RARB: variants seen among roughly 807,000 people sequenced by gnomAD.
RARB encodes retinoic acid receptor beta, also known as HBV-activated protein.
In RARB, 17 loss-of-function variants were observed where a neutral mutation model predicts 51.9. That is an observed-to-expected ratio of 0.33 (90% CI 0.22 to 0.49). The LOEUF is 0.49. Ranked by LOEUF, RARB falls within the 20% of genes least tolerant of loss-of-function variation. RARB has a pLI of 0.99. For missense variants in RARB, 369 were observed against 550.8 expected (o/e 0.67, Z 3.30); for synonymous variants, 215 against 195.4 (o/e 1.10, Z -0.84).
At chr3:25,075,202 T>A (rs1330804296) in intron 3 of RARB, among the ~76,000 whole-genome samples, 1 of 152,138 alleles carries the variant, frequency 6.6e-6, no homozygotes, top group Admixed American at 6.5e-5. Flanking sequence ...TGCAATACAA[T>A]TAGAGTGTGT....
intron 5 of RARB, among the ~76,000 whole-genome samples, chr3:25,269,457 C>T (rs1703202130): frequency 6.6e-6 from 1 of 152,162 alleles, no homozygotes; most frequent in South Asian, 2.1e-4. Flanking sequence ...TTACTAGCTG[C>T]ATGACCTTGG....
At chr3:25,315,898 C>G (rs553963055) in intron 5 of RARB, among the ~76,000 whole-genome samples, 1 of 152,044 alleles carries the variant, frequency 6.6e-6, no homozygotes, top group East Asian at 1.9e-4. Context: ...GGATTACAGG[C>G]ATGAACCACC....
chr3:25,507,271 T>A (rs757500175), intron 3 of RARB, among the ~76,000 whole-genome samples: 32 of 151,454 alleles, frequency 2.1e-4, no homozygotes, highest in African/African-American at 7.0e-4. Flanking sequence ...GGGTTAAATG[T>A]GACCAGTTTT....
intron 5 of RARB, among the ~76,000 whole-genome samples, chr3:25,355,282 G>A (rs1186580344): frequency 2.0e-5 from 3 of 152,034 alleles, no homozygotes; most frequent in Non-Finnish European, 4.4e-5. Flanking sequence ...GTTGTGGTTA[G>A]GTTTGGGCGT....
rs1386948051 is a variant in RARB, at chr3:25,461,239, C to A, written c.204C>A (p.Pro68=). The change falls in exon 2 of 8, where the codon CCC becomes CCA. Residue 68 remains proline (P), a synonymous_variant. Coordinates refer to ENST00000330688, the MANE Select transcript of RARB (RefSeq NM_000965.5). ...GCTCTGAGGAACTCGTCCCAAGCCC[C>A]CCATCTCCACTTCCTCCCCCTCGAG... The part of the protein sequence containing the change: ...STSSEELVPS[P]PSPLPPPRVY... 3 of 1,614,002 alleles carry A rather than the reference C, an allele frequency of 1.9e-6. No individual in the cohort carries two copies. The South Asian group carries it at 3.3e-5, about 18-fold the overall frequency.
chr3:25,563,806 C>A (rs147693297), intron 3 of RARB, among the ~76,000 whole-genome samples: 3 of 152,292 alleles, frequency 2.0e-5, no homozygotes, highest in Non-Finnish European at 2.9e-5. Context: ...ATTATTCTTG[C>A]AGTTAGCAAG....
At chr3:24,923,265 A>G (rs1306561381) in intron 2 of RARB, among the ~76,000 whole-genome samples, 2 of 151,662 alleles carry the variant, frequency 1.3e-5, no homozygotes, top group East Asian at 1.9e-4. Flanking sequence ...GTATTTCACT[A>G]TAATGGCCCA....
chr3:25,342,959 G>T (rs1002947504), intron 5 of RARB, among the ~76,000 whole-genome samples: 1 of 151,746 alleles, frequency 6.6e-6, no homozygotes, highest in African/African-American at 2.4e-5. Flanking sequence ...TGGTTTAAGA[G>T]GGGGGAGGGG....
intron 5 of RARB, among the ~76,000 whole-genome samples, chr3:25,233,766 G>GTTT (rs59013881): frequency 7.4e-6 from 1 of 135,662 alleles, no homozygotes; most frequent in African/African-American, 2.6e-5. Context: ...TTTGGTTGTT[G>GTTT]TTTTTTTTTT....
chr3:25,466,999 C>T (rs926646534), intron 2 of RARB, among the ~76,000 whole-genome samples: 2 of 152,220 alleles, frequency 1.3e-5, no homozygotes, highest in Non-Finnish European at 2.9e-5. Flanking sequence ...GGGCCTGGGT[C>T]TGCTGCTCCA....
chr3:25,075,895 T>G (rs1396115368), intron 3 of RARB, among the ~76,000 whole-genome samples: 1 of 152,184 alleles, frequency 6.6e-6, no homozygotes, highest in East Asian at 1.9e-4. Context: ...TCTTGACACT[T>G]CAGTTTGTAG....
At chr3:25,532,517 A>G (rs770372300) in intron 3 of RARB, among the ~76,000 whole-genome samples, 21 of 152,182 alleles carry the variant, frequency 1.4e-4, no homozygotes, top group East Asian at 1.2e-3. Flanking sequence ...ACGGAAGAGT[A>G]TTTTAGAGTG....
intron 3 of RARB, among the ~76,000 whole-genome samples, chr3:25,077,572 CTA>C (rs1466294192): frequency 6.6e-6 from 1 of 152,118 alleles, no homozygotes; most frequent in Non-Finnish European, 1.5e-5. Flanking sequence ...CTCTATTTAT[CTA>C]TTTTTCTTTG....
At chr3:25,308,850 G>C (rs1186708919) in intron 5 of RARB, among the ~76,000 whole-genome samples, 2 of 152,146 alleles carry the variant, frequency 1.3e-5, no homozygotes, top group African/African-American at 4.8e-5. Context: ...ATGTTCCTCT[G>C]TTTGCACTAA....
chr3:25,535,776 A>G (rs1241384988), intron 3 of RARB, among the ~76,000 whole-genome samples: 1 of 152,226 alleles, frequency 6.6e-6, no homozygotes, highest in Non-Finnish European at 1.5e-5. Flanking sequence ...GGGAAATAAT[A>G]TGAATCCCTG....
At chr3:24,970,296 G>T (rs1038145116) in intron 2 of RARB, among the ~76,000 whole-genome samples, 2 of 152,024 alleles carry the variant, frequency 1.3e-5, no homozygotes, top group African/African-American at 4.8e-5. Flanking sequence ...TGAGGTGTAG[G>T]TATAGCTGTT....
rs181243394 is a variant in RARB at position 25,430,446 on chromosome 3, A to G, written c.157+1558A>G. ...TTGTTAGAGAAAGTGGTAATGAAAC[A>G]TGTTTTTTAACAGAAGGAAAAAATA... On this transcript the variant is annotated intron_variant, in intron 1 of 7. Coordinates refer to ENST00000330688, the MANE Select transcript of RARB (RefSeq NM_000965.5). 9.8e-5 allele frequency among the ~76,000 whole-genome samples: 15 copies of G among 152,328 alleles called. 1 individual carries two copies. Among genetic ancestry groups the G allele is most frequent in the African/African-American group, 3.4e-4 (14 of 41,576 alleles).
At chr3:25,513,345 G>GAAGAAAAGA (rs1419735805) in intron 3 of RARB, among the ~76,000 whole-genome samples, 2 of 151,868 alleles carry the variant, frequency 1.3e-5, no homozygotes, top group African/African-American at 4.8e-5. Context: ...GGAAAGAAAT[G>GAAGAAAAGA]AAGAAAAGAA....
chr3:25,526,037 A>C (rs115608221), intron 3 of RARB, among the ~76,000 whole-genome samples: 1,947 of 152,338 alleles, frequency 0.013, 31 homozygotes, highest in South Asian at 0.073. Flanking sequence ...AAAGAAATGC[A>C]TAATTAACAA....
Sources: allele counts gnomAD v4.1 joint callset (sites outside exome capture counted in the v4.1 genomes callset), GRCh38; gene constraint gnomAD v4.1.1; transcripts MANE v1.5; gene names NCBI Gene and HGNC (gene_info 2026-07-23, HGNC 2026-07-21).